The following HMBOX1 variants were observed in gnomAD, a reference collection of about 807,000 sequenced individuals.
The protein encoded by HMBOX1 is homeobox-containing protein 1.
Under a neutral mutation model 54.5 loss-of-function variants are expected in HMBOX1, and 14 were observed. The ratio of observed to expected loss-of-function variants is 0.26; its 90% CI spans 0.17 to 0.40. HMBOX1 has a LOEUF of 0.40. Among genes scored for constraint, HMBOX1 ranks in the 10% least tolerant of loss-of-function variants. The pLI, the probability that HMBOX1 is intolerant of heterozygous loss-of-function variation, is 1.00. For synonymous variants in HMBOX1, 160 were observed against 181.0 expected (o/e 0.88, Z 0.93); for missense variants, 332 against 514.4 (o/e 0.65, Z 3.43).
rs145777370 is a variant in HMBOX1 at position 28,905,355 on chromosome 8, GCA to G, written c.-58+14693_-58+14694del. Reference sequence around the variant, plus strand: ...CGCGTGCATGCGCACACACACGCACGCACACACACACACACACGCAGAGAGAG... The same window carrying G: ...CGCGTGCATGCGCACACACACGCACGCACACACACACACACGCAGAGAGAG... On this transcript the variant is annotated intron_variant, in intron 1 of 9. Transcript: ENST00000287701. 3.6e-3 allele frequency among the ~76,000 whole-genome samples: 540 copies of G among 148,934 alleles called. 19 individuals are homozygous for G. The East Asian group carries it at 0.079, about 22-fold the overall frequency.
chr8:29,046,330 T>G (rs1051739500), intron 7 of HMBOX1: 1 of 152,220 alleles, frequency 6.6e-6, no homozygotes, highest in African/African-American at 2.4e-5. Context: ...CTGGAACATT[T>G]TGCCCCCGTA....
chr8:28,976,897 C>T (rs1288863709), intron 3 of HMBOX1, among the ~76,000 whole-genome samples: 2 of 151,870 alleles, frequency 1.3e-5, no homozygotes, highest in East Asian at 1.9e-4. Context: ...TTGGTAGAGA[C>T]GAGGTCTCAT....
intron 6 of HMBOX1, among the ~76,000 whole-genome samples, chr8:29,026,120 G>A (rs1801992804): frequency 6.6e-6 from 1 of 150,856 alleles, no homozygotes; most frequent in Non-Finnish European, 1.5e-5. Context: ...GCACTTCAAT[G>A]ATATGTATAT....
chr8:29,026,738 C>T (rs1802106290), intron 6 of HMBOX1, among the ~76,000 whole-genome samples: 1 of 152,150 alleles, frequency 6.6e-6, no homozygotes, highest in Non-Finnish European at 1.5e-5. Flanking sequence ...GTGCTATTCA[C>T]AGATTTGAGT....
At chr8:28,967,183 G>T (rs1826577479) in intron 2 of HMBOX1, among the ~76,000 whole-genome samples, 1 of 152,162 alleles carries the variant, frequency 6.6e-6, no homozygotes, top group Non-Finnish European at 1.5e-5. Context: ...GCAAGGTTTG[G>T]CTTTCTTCTG....
chr8:28,934,129 A>T (rs1189904413), intron 1 of HMBOX1, among the ~76,000 whole-genome samples: 1 of 152,238 alleles, frequency 6.6e-6, no homozygotes, highest in Non-Finnish European at 1.5e-5. Flanking sequence ...TTAATACCTG[A>T]TGACTAAAAG....
At chr8:29,022,804 G>A (rs1347982236) in intron 6 of HMBOX1, among the ~76,000 whole-genome samples, 1 of 124,542 alleles carries the variant, frequency 8.0e-6, no homozygotes, top group Non-Finnish European at 1.6e-5. Context: ...AGATTTCTCG[G>A]AAAATACTTT....
At chr8:29,047,304 T>C (rs1303675448) in intron 7 of HMBOX1, 54 bp from the exon 8 acceptor site, 7 of 1,058,952 alleles carry the variant, frequency 6.6e-6, no homozygotes, top group Admixed American at 5.4e-5. Flanking sequence ...TAAAACTAGT[T>C]TATTCTTGGA....
intron 1 of HMBOX1, among the ~76,000 whole-genome samples, chr8:28,923,296 G>C (rs754787503): frequency 2.0e-4 from 30 of 152,218 alleles, no homozygotes; most frequent in Non-Finnish European, 4.1e-4. Flanking sequence ...TTTGGATCTG[G>C]CTTATTTTGC....
At chr8:28,892,403 G>C (rs1811187937) in intron 1 of HMBOX1, among the ~76,000 whole-genome samples, 1 of 152,020 alleles carries the variant, frequency 6.6e-6, no homozygotes, top group African/African-American at 2.4e-5. Flanking sequence ...AGAATTTAAG[G>C]TCATATTTTG....
intron 6 of HMBOX1, among the ~76,000 whole-genome samples, chr8:29,032,921 T>C (rs1190489839): frequency 6.6e-6 from 1 of 150,664 alleles, no homozygotes; most frequent in Non-Finnish European, 1.5e-5. Context: ...AATTCGATGA[T>C]TGATAATAAT....
chr8:28,994,873 T>C (rs1248398724), intron 4 of HMBOX1, among the ~76,000 whole-genome samples: 1 of 152,170 alleles, frequency 6.6e-6, no homozygotes, highest in Non-Finnish European at 1.5e-5. Flanking sequence ...CATCTTAGAA[T>C]ATTAAATAAG....
intron 1 of HMBOX1, among the ~76,000 whole-genome samples, chr8:28,898,881 G>T (rs1382000361): frequency 1.3e-5 from 2 of 152,188 alleles, no homozygotes; most frequent in African/African-American, 4.8e-5. Flanking sequence ...GTGGGAGGTA[G>T]CGTGGAAAGC....
At chr8:28,990,388 A>G (rs913547146) in intron 4 of HMBOX1, among the ~76,000 whole-genome samples, 4 of 152,152 alleles carry the variant, frequency 2.6e-5, no homozygotes, top group African/African-American at 9.7e-5. Flanking sequence ...AGTTTTTATC[A>G]TGATAGATGT....
intron 6 of HMBOX1, among the ~76,000 whole-genome samples, chr8:29,033,713 C>T (rs566808206): frequency 6.6e-6 from 1 of 152,196 alleles, no homozygotes; most frequent in African/African-American, 2.4e-5. Context: ...CTCTAGTCCC[C>T]AAGCCAATTA....
chr8:28,927,882 A>T (rs1818822479), intron 1 of HMBOX1, among the ~76,000 whole-genome samples: 1 of 151,134 alleles, frequency 6.6e-6, no homozygotes, highest in South Asian at 2.1e-4. Context: ...CACGCCTGTA[A>T]TCCCAGCACT....
chr8:29,009,779 A>C, intron 5 of HMBOX1: 1 of 1,272,790 alleles, frequency 7.9e-7, no homozygotes, highest in East Asian at 5.7e-5. Context: ...ATTTATGTCT[A>C]GAGTTGGAAG....
rs998123130 is a variant in HMBOX1, at chr8:28,977,784, C to CA, written c.501-2277dup. Among the ~76,000 whole-genome samples, 254 of 147,816 alleles carry CA rather than the reference C, an allele frequency of 1.7e-3. 2 individuals are homozygous for CA. Among genetic ancestry groups the CA allele is most frequent in the Admixed American group, 8.2e-3 (122 of 14,842 alleles). On this transcript the variant is annotated intron_variant, in intron 3 of 9. Transcript: ENST00000287701. ...TGAAACCCCGTGTCTACTAAAAATA[C>CA]AAAAAAAAAATTAGCCGGGCGTAAT...
At chr8:28,953,622 T>C (rs1366717504) in intron 1 of HMBOX1, among the ~76,000 whole-genome samples, 1 of 152,180 alleles carries the variant, frequency 6.6e-6, no homozygotes, top group Admixed American at 6.5e-5. Context: ...CTTTTTAAGT[T>C]TCTATGTCTA....
Sources: gnomAD v4.1 joint callset for allele counts (sites outside exome capture counted in the v4.1 genomes callset) on GRCh38, gnomAD v4.1.1 for gene constraint, MANE v1.5 for transcripts, NCBI Gene and HGNC (gene_info 2026-07-23, HGNC 2026-07-21) for gene names.